Variants in TUBGCP5 observed in about 807,000 individuals in gnomAD.
The protein encoded by TUBGCP5 is tubulin gamma complex component 5.
In TUBGCP5, 98 loss-of-function variants were observed where a neutral mutation model predicts 134.7. The observed-to-expected ratio is 0.73, with a 90% CI of 0.62 to 0.86. The LOEUF (loss-of-function observed/expected upper bound fraction) is 0.86, where lower values mean the gene tolerates loss of function less well. TUBGCP5 is among the 40% of genes least tolerant of loss of function. The pLI is 0.00. For synonymous variants in TUBGCP5, 456 were observed against 431.4 expected (o/e 1.06, Z -0.71); for missense variants, 1,150 against 1,244.8 (o/e 0.92, Z 1.15).
At chr15:23,033,222 A>C (rs1307891500) in intron 3 of TUBGCP5, among the ~76,000 whole-genome samples, 4 of 151,734 alleles carry the variant, frequency 2.6e-5, no homozygotes, top group African/African-American at 9.7e-5. Flanking sequence ...CCAGTCCCCT[A>C]TTAATGAAAT....
intron 11 of TUBGCP5, 165 bp from the exon 12 acceptor site, chr15:23,019,499 T>C (rs939815355): frequency 5.0e-6 from 3 of 597,544 alleles, no homozygotes; most frequent in Admixed American, 5.8e-5. Flanking sequence ...AAAATCCTTA[T>C]GAAAAACTCA....
In TUBGCP5 at chr15:23,024,169, G is replaced by C; in HGVS notation, c.946C>G (p.Gln316Glu). 1.2e-6 allele frequency: 2 copies of C among 1,614,064 alleles called. No homozygotes were observed. Among genetic ancestry groups the C allele is most frequent in the Admixed American group, 3.3e-5 (2 of 60,000 alleles). The change falls in exon 10 of 23, where the codon CAA becomes GAA. Residue 316 changes from glutamine to glutamate, a missense_variant. By Grantham distance (29) the Gln-to-Glu change is conservative. This residue lies in a region of TUBGCP5 where 453 missense variants were observed against 394.7 expected (regional missense o/e 1.15). Transcript: ENST00000615383. ...ACAACCTGGCCATATGCTGCTATTTGTTCCAGCACAGATCGTAAACAGCTC... is the reference window on the plus strand; with the variant it reads ...ACAACCTGGCCATATGCTGCTATTTCTTCCAGCACAGATCGTAAACAGCTC... The part of the protein sequence containing the change: ...THSCLRSVLE[Q>E]IAAYGQVVFR...
chr15:22,998,353 A>G (rs1249694030), downstream of TUBGCP5, among the ~76,000 whole-genome samples: 1 of 151,732 alleles, frequency 6.6e-6, no homozygotes, highest in Non-Finnish European at 1.5e-5. Flanking sequence ...GTATGTACCA[A>G]CAGTTGGCCC....
intron 13 of TUBGCP5, among the ~76,000 whole-genome samples, 163 bp downstream of exon 13, chr15:23,017,606 AAATC>A (rs1335319697): frequency 6.6e-6 from 1 of 152,200 alleles, no homozygotes; most frequent in East Asian, 1.9e-4. Context: ...ATCTTTTAAA[AAATC>A]AAGAGCAGCA....
intron 11 of TUBGCP5, among the ~76,000 whole-genome samples, chr15:23,020,599 A>G (rs949083146): frequency 5.0e-4 from 76 of 151,390 alleles, no homozygotes; most frequent in South Asian, 2.5e-3. Flanking sequence ...AAAAAAAAAA[A>G]AAAAAAAGAA....
chr15:23,035,584 T>C (rs2066546066), intron 3 of TUBGCP5, among the ~76,000 whole-genome samples: 1 of 152,112 alleles, frequency 6.6e-6, no homozygotes, highest in African/African-American at 2.4e-5. Context: ...ATGCCACCGC[T>C]GATCTGACAG....
In TUBGCP5 at chr15:23,024,818, T is replaced by C; in HGVS notation, c.840A>G (p.Gly280=). 1 of 1,586,846 alleles carries C rather than the reference T, an allele frequency of 6.3e-7. No homozygotes were observed. ...VIRETLWLLS[G]VKKLFIFQLI... ...ACTGAAATATAAAGAGCTTTTTCAC[T>C]CCTGAAAGTAACCTGAAATGAGATT... The change falls in exon 9 of 23, where the codon GGA becomes GGG. Residue 280 remains glycine (G), a synonymous_variant. Coordinates refer to ENST00000615383, the MANE Select transcript of TUBGCP5 (RefSeq NM_052903.6).
intron 4 of TUBGCP5, among the ~76,000 whole-genome samples, chr15:23,032,390 T>C (rs1032063727): frequency 6.6e-6 from 1 of 152,188 alleles, no homozygotes; most frequent in Non-Finnish European, 1.5e-5. Flanking sequence ...CTGTATACTT[T>C]AAATAATCTC....
chr15:23,026,222 A>G lies in TUBGCP5; in HGVS notation c.738-17T>C. 2 of 1,599,512 alleles carry G rather than the reference A, an allele frequency of 1.3e-6. No homozygotes were observed. The highest frequency in any genetic ancestry group is 1.1e-5 in the South Asian group (1 of 90,526). On this transcript the variant is annotated splice_polypyrimidine_tract_variant and intron_variant, in intron 7 of 22. Coordinates refer to ENST00000615383, the MANE Select transcript of TUBGCP5 (RefSeq NM_052903.6). ...TGTTGGTCCCTATGAGACAGCAAAC[A>G]TAAATGTCAATAGAAAGGTTTCTAA...
At chr15:23,005,661 C>T (rs753640117) in intron 18 of TUBGCP5, 51 bp from the exon 19 acceptor site, 1 of 1,548,518 alleles carries the variant, frequency 6.5e-7, no homozygotes. Context: ...CAACTCAAAC[C>T]CCACTGCACC....
chr15:22,988,526 G>A (rs758273495), intron 23 of TUBGCP5, among the ~76,000 whole-genome samples: 6 of 151,496 alleles, frequency 4.0e-5, no homozygotes, highest in East Asian at 2.0e-4. Context: ...GAGGTCAGGA[G>A]ATCGAGACCA....
In TUBGCP5 at chr15:23,039,505, C is replaced by T. The variant is rs779181615; in HGVS notation, c.39G>A (p.Ala13=). The part of the protein sequence containing the change: ...RHGPPWSRLD[A]QQERDVRELV... ...GCTCCCGCACGTCGCGCTCCTGCTG[C>T]GCGTCCAACCGACTCCACGGTGGCC... The change falls in exon 1 of 23, where the codon GCG becomes GCA. Residue 13 remains alanine (A), a synonymous_variant. Transcript: ENST00000615383. 14 of 1,505,654 alleles carry T rather than the reference C, an allele frequency of 9.3e-6. No homozygotes were observed. The highest frequency in any genetic ancestry group is 2.0e-5 in the Admixed American group (1 of 50,472). The allele number at this position is 1,505,654 out of a possible 1,614,324, so 93.3% of individuals were successfully genotyped here.
chr15:23,037,901 A>T (rs2066685519), intron 1 of TUBGCP5, among the ~76,000 whole-genome samples: 2 of 152,140 alleles, frequency 1.3e-5, no homozygotes. Flanking sequence ...AGTAGCTGGG[A>T]CTACAGGCGC....
chr15:23,039,392 C>T lies in TUBGCP5; in HGVS notation c.146+6G>A. The T allele has an allele frequency of 1.4e-6, 2 of 1,468,080 alleles. No homozygotes were observed. Among genetic ancestry groups the T allele is most frequent in the Non-Finnish European group, 1.8e-6 (2 of 1,098,522 alleles). The allele number at this position is 1,468,080 out of a possible 1,614,324, so 90.9% of individuals were successfully genotyped here. A position where few individuals can be genotyped will look rare whatever the true frequency, so the allele number is the denominator to read the frequency against. ...CGGGAACCCGCCCGCGCGCCGTGCC[C>T]CACACCTGAAGTTGGACCAGGCGAA... On this transcript the variant is annotated splice_donor_region_variant and intron_variant, in intron 1 of 22. Transcript: ENST00000615383.
intron 11 of TUBGCP5, among the ~76,000 whole-genome samples, chr15:23,020,609 A>G (rs1046789979): frequency 2.6e-5 from 4 of 151,808 alleles, no homozygotes; most frequent in Non-Finnish European, 5.9e-5. Flanking sequence ...AAAAAAAAGA[A>G]AAAAAGAAAT....
At chr15:23,033,924 A>AT (rs2066448156) in intron 3 of TUBGCP5, among the ~76,000 whole-genome samples, 1 of 152,008 alleles carries the variant, frequency 6.6e-6, no homozygotes, top group African/African-American at 2.4e-5. Context: ...TATATGATTG[A>AT]TTTTTAAATT....
intron 12 of TUBGCP5, 126 bp downstream of exon 12, chr15:23,019,093 G>T: frequency 1.7e-6 from 1 of 577,828 alleles, no homozygotes; most frequent in Non-Finnish European, 2.9e-6. Flanking sequence ...CTATGATGAC[G>T]ACAAGTTCTG....
At chr15:22,999,024 T>C (rs190943892), downstream of TUBGCP5, among the ~76,000 whole-genome samples, 758 of 152,190 alleles carry the variant, frequency 5.0e-3, 3 homozygotes, top group Admixed American at 5.4e-3. Context: ...TCTTTCAAAG[T>C]GCCAGGATTA....
chr15:23,026,268 A>C, intron 7 of TUBGCP5, 63 bp from the exon 8 acceptor site: 73 of 1,423,962 alleles, frequency 5.1e-5, no homozygotes, highest in Non-Finnish European at 6.1e-5. Context: ...AACTTATCTC[A>C]AAGAATATCT....
Sources: gnomAD v4.1 joint callset for allele counts (sites outside exome capture counted in the v4.1 genomes callset) on GRCh38, gnomAD v4.1.1 for gene constraint, gnomAD v4.1.1 regional missense constraint, MANE v1.5 for transcripts, NCBI Gene and HGNC (gene_info 2026-07-23, HGNC 2026-07-21) for gene names.